DLGAP2: variants seen among roughly 807,000 people sequenced by gnomAD.
DLGAP2 encodes DLG associated protein 2.
In DLGAP2, 26 loss-of-function variants were observed where a neutral mutation model predicts 100.3. The observed-to-expected ratio is 0.26, with a 90% CI of 0.19 to 0.36. The LOEUF (loss-of-function observed/expected upper bound fraction) is 0.36. Among genes scored for constraint, DLGAP2 ranks in the 10% least tolerant of loss-of-function variants. The probability of loss-of-function intolerance (pLI) is 1.00; values close to 1 mark genes in which losing one functional copy is unlikely to be tolerated. For missense variants in DLGAP2, 1,858 were observed against 1,453.2 expected, an observed-to-expected ratio of 1.28 and a Z score of -4.53; for synonymous variants, 886 against 630.1, an observed-to-expected ratio of 1.41 and a Z score of -6.08.
chr8:1,506,273 T>G (rs73538586), intron 4 of DLGAP2, among the ~76,000 whole-genome samples: 1 of 151,960 alleles, frequency 6.6e-6, no homozygotes, highest in African/African-American at 2.4e-5. Context: ...ATACTTGTCA[T>G]TTTATCGTCC....
At chr8:1,209,391 C>G (rs1287458896) in intron 2 of DLGAP2, among the ~76,000 whole-genome samples, 1 of 152,072 alleles carries the variant, frequency 6.6e-6, no homozygotes, top group East Asian at 1.9e-4. Flanking sequence ...TAGCTTTTTC[C>G]TTCCCTACAT....
intron 12 of DLGAP2, among the ~76,000 whole-genome samples, chr8:1,684,288 A>G (rs1259703997): frequency 1.3e-5 from 2 of 152,134 alleles, no homozygotes; most frequent in East Asian, 1.9e-4. Flanking sequence ...ACAGATGTCA[A>G]AACACTTGTT....
chr8:1,221,584 C>T (rs970600760), intron 2 of DLGAP2, among the ~76,000 whole-genome samples: 9 of 151,864 alleles, frequency 5.9e-5, no homozygotes, highest in African/African-American at 1.5e-4. Flanking sequence ...TGGGGATTGT[C>T]GTCTTGTATA....
chr8:1,210,729 C>T lies in DLGAP2; in HGVS notation c.74-48122C>T, dbSNP rs78573908. 5.1e-3 allele frequency among the ~76,000 whole-genome samples: 766 copies of T among 151,332 alleles called. 8 individuals are homozygous for T. The highest frequency in any genetic ancestry group is 0.018 in the African/African-American group (731 of 41,352). ...AACTGGCATAACTGACCCCCCACCCCCGGCCCTGGTTCCAATGGCAGCACC... is the reference window on the plus strand; with the variant it reads ...AACTGGCATAACTGACCCCCCACCCTCGGCCCTGGTTCCAATGGCAGCACC... On this transcript the variant is annotated intron_variant, in intron 2 of 14. Coordinates refer to ENST00000637795, the MANE Select transcript of DLGAP2 (RefSeq NM_001346810.2).
chr8:1,409,953 C>T (rs986350925), intron 3 of DLGAP2, among the ~76,000 whole-genome samples: 10 of 152,166 alleles, frequency 6.6e-5, no homozygotes, highest in Admixed American at 1.3e-4. Flanking sequence ...GATCCAGTTC[C>T]GAAAATAAAA....
intron 2 of DLGAP2, among the ~76,000 whole-genome samples, chr8:1,247,290 G>A (rs1332384053): frequency 1.7e-5 from 2 of 120,036 alleles, no homozygotes; most frequent in Non-Finnish European, 3.5e-5. Context: ...CACATCGGTG[G>A]CTGGGAAGAC....
chr8:1,018,284 A>G (rs1351303844), intron 2 of DLGAP2, among the ~76,000 whole-genome samples: 1 of 152,176 alleles, frequency 6.6e-6, no homozygotes, highest in Non-Finnish European at 1.5e-5. Context: ...TTGAACATTG[A>G]TTCCGGCTGA....
At chr8:1,595,793 ATATT>A (rs1021165261) in intron 6 of DLGAP2, among the ~76,000 whole-genome samples, 3 of 152,006 alleles carry the variant, frequency 2.0e-5, no homozygotes, top group African/African-American at 4.8e-5. Context: ...TTAACTATAA[ATATT>A]TATTTAGTAG....
chr8:1,052,263 T>C (rs910875033), intron 2 of DLGAP2, among the ~76,000 whole-genome samples: 1 of 152,232 alleles, frequency 6.6e-6, no homozygotes, highest in Non-Finnish European at 1.5e-5. Flanking sequence ...TTTTACCTCA[T>C]TCAGCTGTTT....
At chr8:1,561,029 G>C (rs535687530) in intron 5 of DLGAP2, among the ~76,000 whole-genome samples, 1 of 152,320 alleles carries the variant, frequency 6.6e-6, no homozygotes, top group East Asian at 1.9e-4. Flanking sequence ...GAGGGACCCA[G>C]TAGGAGGTGA....
rs144057944 is a variant in DLGAP2 at position 1,434,119 on chromosome 8, C to G, written c.107-67247C>G. ...CTGCTTTGCAGGTGGAGCATGGAGA[C>G]GTGGCCGCAGGGCTGAGGGTTTCGC... On this transcript the variant is annotated intron_variant, in intron 3 of 14. Coordinates refer to ENST00000637795, the MANE Select transcript of DLGAP2 (RefSeq NM_001346810.2). Among the ~76,000 whole-genome samples, 160 of 152,180 alleles carry G rather than the reference C, an allele frequency of 1.1e-3. No individual in the cohort carries two copies. In the East Asian group the frequency reaches 0.017, roughly 16 times the overall value.
intron 3 of DLGAP2, among the ~76,000 whole-genome samples, chr8:1,391,810 A>G (rs1796362214): frequency 6.6e-6 from 1 of 152,252 alleles, no homozygotes; most frequent in Non-Finnish European, 1.5e-5. Flanking sequence ...AGAAGAGGTC[A>G]TTTCATTAAG....
intron 2 of DLGAP2, among the ~76,000 whole-genome samples, chr8:966,865 A>G (rs189165156): frequency 1.3e-5 from 2 of 152,344 alleles, no homozygotes; most frequent in Non-Finnish European, 2.9e-5. Context: ...TATGTAAAAT[A>G]TACTTCTTTT....
At chr8:1,252,305 T>C (rs563674170) in intron 2 of DLGAP2, among the ~76,000 whole-genome samples, 19 of 145,068 alleles carry the variant, frequency 1.3e-4, no homozygotes, top group African/African-American at 4.4e-4. Flanking sequence ...GGTGTTGTCA[T>C]GTGGGTGTGT....
At chr8:1,181,730 C>T (rs934022635) in intron 2 of DLGAP2, among the ~76,000 whole-genome samples, 2 of 152,102 alleles carry the variant, frequency 1.3e-5, no homozygotes, top group East Asian at 1.9e-4. Flanking sequence ...TGTAAATTTG[C>T]AATACTGAAG....
chr8:1,157,620 C>G (rs560010081), intron 2 of DLGAP2, among the ~76,000 whole-genome samples: 2 of 152,240 alleles, frequency 1.3e-5, no homozygotes, highest in South Asian at 2.1e-4. Flanking sequence ...TGGGGCTGTT[C>G]TCACCTGTGT....
intron 2 of DLGAP2, among the ~76,000 whole-genome samples, chr8:925,934 T>C (rs1272137567): frequency 6.6e-6 from 1 of 152,144 alleles, no homozygotes; most frequent in Non-Finnish European, 1.5e-5. Flanking sequence ...TGAATGGGGT[T>C]GCGCTCACAG....
chr8:916,421 C>T (rs970594794), intron 2 of DLGAP2, among the ~76,000 whole-genome samples: 1 of 152,128 alleles, frequency 6.6e-6, no homozygotes, highest in Admixed American at 6.5e-5. Flanking sequence ...GCAACTATTG[C>T]AAGGACAAAA....
chr8:1,099,852 A>G (rs1001012674), intron 2 of DLGAP2, among the ~76,000 whole-genome samples: 7 of 152,338 alleles, frequency 4.6e-5, no homozygotes, highest in South Asian at 2.1e-4. Flanking sequence ...ATCCATAGAC[A>G]TGCATTCAAA....
Sources: allele counts gnomAD v4.1 joint callset (sites outside exome capture counted in the v4.1 genomes callset), GRCh38; gene constraint gnomAD v4.1.1; transcripts MANE v1.5; gene names NCBI Gene and HGNC (gene_info 2026-07-23, HGNC 2026-07-21).